The following IL17RE variants were observed in gnomAD, a reference collection of about 807,000 sequenced individuals.
IL17RE encodes interleukin 17 receptor E, also known as interleukin-17 receptor E.
IL17RE carries 47 observed loss-of-function variants against 70.7 expected under a neutral mutation model. The observed-to-expected ratio is 0.67, with a 90% CI of 0.53 to 0.85. The LOEUF is 0.85. IL17RE is among the 40% of genes least tolerant of loss of function. The probability of loss-of-function intolerance (pLI) is 0.00; values close to 1 mark genes in which losing one functional copy is unlikely to be tolerated. For synonymous variants in IL17RE, 372 were observed against 381.2 expected (o/e 0.98, Z 0.28); for missense variants, 850 against 893.9 (o/e 0.95, Z 0.63).
In IL17RE at chr3:9,907,002, A is replaced by C. The variant is rs1486761584; in HGVS notation, c.568A>C (p.Ile190Leu). The change falls in exon 6 of 16, where the codon ATT (isoleucine) becomes CTT (leucine). Residue 190 changes from isoleucine to leucine, a missense_variant. Coordinates refer to ENST00000383814, the MANE Select transcript of IL17RE (RefSeq NM_153480.2). ...SFDLLPEARA[I>L]RVTISSGPEV... The stretch of plus-strand genomic sequence containing the variant: ...TGATTTGCTGCCTGAGGCCCGGGCT[A>C]TTCGGGTGACCATATCTTCAGGCCC... The C allele has an allele frequency of 6.2e-7, 1 of 1,614,090 alleles. No individual in the cohort carries two copies. Among genetic ancestry groups the C allele is most frequent in the Non-Finnish European group, 8.5e-7 (1 of 1,180,000 alleles).
intron 1 of IL17RE, 107 bp downstream of exon 1, chr3:9,903,171 G>A (rs752712580): frequency 2.1e-4 from 226 of 1,101,604 alleles, no homozygotes; most frequent in Non-Finnish European, 2.7e-4. Flanking sequence ...TCTGGTGGCA[G>A]CTTTGATGTG....
At chr3:9,914,061 TG>T (rs1254427792) in intron 13 of IL17RE, 37 bp downstream of exon 13, 1 of 1,513,190 alleles carries the variant, frequency 6.6e-7, no homozygotes, top group Non-Finnish European at 9.2e-7. Context: ...TACAGAGCCT[TG>T]GCATCTGCTC....
rs146288171 is a variant in IL17RE, at chr3:9,911,260, T to C, written c.1032T>C (p.Ser344=). 1 of 1,614,216 alleles carries C rather than the reference T, an allele frequency of 6.2e-7. No individual in the cohort carries two copies. The highest frequency in any genetic ancestry group is 8.5e-7 in the Non-Finnish European group (1 of 1,180,040). Residue 344 remains serine, a synonymous_variant, in exon 11 of 16, where the codon TCT becomes TCC. Coordinates refer to ENST00000383814, the MANE Select transcript of IL17RE (RefSeq NM_153480.2). ...DLHPQLCFKF[S]FGNSSHVECP... ...GCCATTCCTGTATTTCTCAGTTCTC[T>C]TTTGGAAACAGCAGCCATGTTGAAT...
At position 9,906,740 on chromosome 3, in the gene IL17RE, A is replaced by C; in HGVS notation, c.401A>C (p.Lys134Thr). The C allele has an allele frequency of 6.2e-7, 1 of 1,614,204 alleles. No individual in the cohort carries two copies. Among genetic ancestry groups the C allele is most frequent in the Non-Finnish European group, 8.5e-7 (1 of 1,180,036 alleles). Residue 134 changes from lysine to threonine, a missense_variant, in exon 5 of 16, where the codon AAG (lysine) becomes ACG (threonine). Coordinates refer to ENST00000383814, the MANE Select transcript of IL17RE (RefSeq NM_153480.2). ...KLLPRRHLSE[K>T]SHHISIPSPD... Reference sequence around the variant, plus strand: ...CTGCCTCGTCGTCACCTGTCTGAGAAGAGCCATCACATTTCCATCCCCTCC... The same window carrying C: ...CTGCCTCGTCGTCACCTGTCTGAGACGAGCCATCACATTTCCATCCCCTCC...
intron 13 of IL17RE, chr3:9,914,255 G>GTTTCA: frequency 1.4e-6 from 1 of 711,786 alleles, no homozygotes. Flanking sequence ...TGGTGACAAT[G>GTTTCA]GCCTGGAGCT....
chr3:9,902,144 C>T (rs987957558), upstream of IL17RE, among the ~76,000 whole-genome samples: 3 of 152,162 alleles, frequency 2.0e-5, no homozygotes, highest in African/African-American at 7.2e-5. Context: ...GATGGAGCCT[C>T]GTCAGCCTTT....
At chr3:9,908,180 C>A (rs987608096) in intron 6 of IL17RE, 59 bp from the exon 7 acceptor site, 30 of 1,418,700 alleles carry the variant, frequency 2.1e-5, no homozygotes, top group Non-Finnish European at 2.5e-5. Context: ...CTGCCCTTGT[C>A]TATGTGCCCA....
In IL17RE at chr3:9,902,981, G is replaced by C. The variant is rs1004907087; in HGVS notation, c.49G>C (p.Val17Leu). ...CCTGCTCCTGCCTCTCCTCCTCATA[G>C]TCATCGACCTCTCTGACTCTGCTGG... ...AALLLPLLLI[V>L]IDLSDSAGIG... Residue 17 changes from valine to leucine, a missense_variant, in exon 1 of 16, where the codon GTC (valine) becomes CTC (leucine). Physicochemically the swap from Val to Leu is conservative, Grantham distance 32 (BLOSUM62 1). Coordinates refer to ENST00000383814, the MANE Select transcript of IL17RE (RefSeq NM_153480.2). 6.2e-7 allele frequency: 1 copy of C among 1,614,192 alleles called. No homozygotes were observed. Among genetic ancestry groups the C allele is most frequent in the African/African-American group, 1.3e-5 (1 of 75,060 alleles).
At chr3:9,902,633 C>G (rs1178584985), upstream of IL17RE, 4 of 1,536,018 alleles carry the variant, frequency 2.6e-6, no homozygotes, top group Admixed American at 2.0e-5. Flanking sequence ...CGTCCCCCAA[C>G]CTGATGCTAG....
upstream of IL17RE, chr3:9,902,633 C>T: frequency 3.9e-6 from 6 of 1,536,136 alleles, no homozygotes; most frequent in Non-Finnish European, 5.2e-6. Flanking sequence ...CGTCCCCCAA[C>T]CTGATGCTAG....
chr3:9,915,197 G>A lies in IL17RE; in HGVS notation c.1448-54G>A. The A allele has an allele frequency of 7.4e-7, 1 of 1,356,670 alleles. No individual in the cohort carries two copies. The highest frequency in any genetic ancestry group is 1.5e-5 in the African/African-American group (1 of 65,548). The allele number at this position is 1,356,670 out of a possible 1,614,324, so 84.0% of individuals were successfully genotyped here. A position where few individuals can be genotyped will look rare whatever the true frequency, so the allele number is the denominator to read the frequency against. On this transcript the variant is annotated intron_variant, in intron 15 of 15. Transcript: ENST00000383814. The surrounding 1 kb of genome is among the most constrained non-coding windows in gnomAD (Gnocchi z 4.9). ...GTATCCCGAGAGGGTGGGGAGAAGA[G>A]GGCTGAGCAGTCCCTCAGCCGCCCA... is the stretch of plus-strand genomic sequence containing the variant.
chr3:9,907,041 C>A lies in IL17RE; in HGVS notation c.607C>A (p.Arg203Ser), dbSNP rs145320586. Residue 203 changes from arginine to serine, a missense_variant, in exon 6 of 16, where the codon CGT (arginine) becomes AGT (serine). By Grantham distance (110) the Arg-to-Ser change is moderately radical (BLOSUM62 -1). Coordinates refer to ENST00000383814, the MANE Select transcript of IL17RE (RefSeq NM_153480.2). ...ATCTTCAGGCCCTGAGGTCAGCGTG[C>A]GTCTTTGTCACCAGTGGGCACTGGA... is the stretch of plus-strand genomic sequence containing the variant. Reference protein sequence around the residue: ...TISSGPEVSVRLCHQWALECE... With the variant: ...TISSGPEVSVSLCHQWALECE... The A allele has an allele frequency of 2.5e-6, 4 of 1,614,118 alleles. No homozygotes were observed. The highest frequency in any genetic ancestry group is 1.3e-5 in the African/African-American group (1 of 75,012).
At chr3:9,914,835 C>T in intron 15 of IL17RE, 58 bp downstream of exon 15, 4 of 1,366,114 alleles carry the variant, frequency 2.9e-6, no homozygotes, top group Non-Finnish European at 4.1e-6. Context: ...AGACTAGCTG[C>T]CCCCTCACCC....
chr3:9,905,381 A>G (rs1214531997), intron 3 of IL17RE, among the ~76,000 whole-genome samples: 2 of 152,040 alleles, frequency 1.3e-5, no homozygotes, highest in African/African-American at 4.8e-5. Flanking sequence ...GCTTAAGCCC[A>G]AGAGTTCAAG....
At chr3:9,911,400 C>T (rs757518573) in intron 11 of IL17RE, 43 bp from the exon 12 acceptor site, 4 of 1,612,928 alleles carry the variant, frequency 2.5e-6, no homozygotes, top group Non-Finnish European at 3.4e-6. Flanking sequence ...ATTCATCACC[C>T]AAAGCCCAAC....
Position 9,915,935 on chromosome 3 carries a change from T to A in IL17RE, c.*128T>A. On this transcript the variant is annotated 3_prime_UTR_variant, in exon 16 of 16. Transcript: ENST00000383814. The surrounding 1 kb of genome is among the most constrained non-coding windows in gnomAD (Gnocchi z 4.9). ...GAGGACGACTGGCCGAAAAGCCGCA[T>A]TCCCTGCCTCACAGGCCGGAAGTCC... The A allele has an allele frequency of 1.5e-6, 2 of 1,322,656 alleles. No individual in the cohort carries two copies. The highest frequency in any genetic ancestry group is 1.9e-6 in the Non-Finnish European group (2 of 1,037,318). The allele number at this position is 1,322,656 out of a possible 1,614,324, so 81.9% of individuals were successfully genotyped here. A position where few individuals can be genotyped will look rare whatever the true frequency, so the allele number is the denominator to read the frequency against.
chr3:9,915,363 C>G lies in IL17RE; in HGVS notation c.1560C>G (p.Arg520=). Residue 520 remains arginine, a synonymous_variant, in exon 16 of 16, where the codon CGC becomes CGG. Transcript: ENST00000383814. The surrounding 1 kb of genome is among the most constrained non-coding windows in gnomAD (Gnocchi z 4.9). ...TACGGGCAGCGCTGGGCGGCGGGCG[C>G]GACGTGATCGTGGACCTGTGGGAGG... ...ELLRAALGGG[R]DVIVDLWEGR... 2 of 1,364,028 alleles carry G rather than the reference C, an allele frequency of 1.5e-6. No individual in the cohort carries two copies. The highest frequency in any genetic ancestry group is 1.5e-5 in the African/African-American group (1 of 65,554). The allele number at this position is 1,364,028 out of a possible 1,614,324, so 84.5% of individuals were successfully genotyped here.
chr3:9,909,512 C>G (rs2082842465), intron 8 of IL17RE: 1 of 553,908 alleles, frequency 1.8e-6, no homozygotes. Context: ...CACCGCAGTA[C>G]TGTGAGAAGT....
intron 12 of IL17RE, among the ~76,000 whole-genome samples, chr3:9,912,777 G>C (rs1398805710): frequency 6.6e-6 from 1 of 152,194 alleles, no homozygotes; most frequent in Admixed American, 6.5e-5. Context: ...GCTGAGGTGG[G>C]AGAACCGTGT....
Sources: gnomAD v4.1 joint callset for allele counts (sites outside exome capture counted in the v4.1 genomes callset) on GRCh38, gnomAD v4.1.1 for gene constraint, Gnocchi (gnomAD v3.1) non-coding constraint, MANE v1.5 for transcripts, NCBI Gene and HGNC (gene_info 2026-07-23, HGNC 2026-07-21) for gene names.